Variants in ZNF487 observed in about 807,000 individuals in gnomAD.
ZNF487 encodes the protein KRAB domain only 1.
Under a neutral mutation model 3.0 loss-of-function variants are expected in ZNF487, and 4 were observed. The observed-to-expected ratio is 1.35, with a 90% CI of 0.66 to 3.08. The LOEUF (loss-of-function observed/expected upper bound fraction) is 3.08, where lower values mean the gene tolerates loss of function less well. Ranked by LOEUF, ZNF487 falls within the 30% of genes most tolerant of loss-of-function variation. The pLI is 0.01. For synonymous variants in ZNF487, 55 were observed against 34.6 expected (o/e 1.59, Z -2.06); for missense variants, 146 against 98.7 (o/e 1.48, Z -2.03).
chr10:43,520,691 T>A, the ZNF487 span, among the ~76,000 whole-genome samples: 1 of 152,248 alleles, frequency 6.6e-6, no homozygotes, highest in African/African-American at 2.4e-5. Context: ...TAAAGATTTA[T>A]GAAGATTTTT....
At chr10:43,443,003 C>G (rs1024918033) in intron 1 of ZNF487, among the ~76,000 whole-genome samples, 2 of 149,904 alleles carry the variant, frequency 1.3e-5, no homozygotes, top group African/African-American at 4.9e-5. Context: ...TATAGAAATA[C>G]AGTTGATTTT....
chr10:43,475,720 G>A lies in ZNF487; in HGVS notation c.-93-1G>A, dbSNP rs748978890. The stretch of plus-strand genomic sequence containing the variant: ...GAATGAAAACAAATGTACTGTTCTA[G>A]GGATCAGTGTCCTTCAGTGATGTGG... On this transcript the variant is annotated splice_acceptor_variant, in intron 1 of 3. Coordinates refer to ENST00000437590, the MANE Select transcript of ZNF487 (RefSeq NM_001355444.3). LOFTEE classifies it low-confidence loss of function (5UTR_SPLICE). The A allele has an allele frequency of 1.3e-6, 1 of 780,600 alleles. No individual in the cohort carries two copies. Among genetic ancestry groups the A allele is most frequent in the Non-Finnish European group, 2.4e-6 (1 of 417,976 alleles). The allele number at this position is 780,600 out of a possible 1,614,324, so 48.4% of individuals were successfully genotyped here.
At chr10:43,518,132 T>A in the ZNF487 span, among the ~76,000 whole-genome samples, 8 of 152,144 alleles carry the variant, frequency 5.3e-5, no homozygotes, top group Non-Finnish European at 1.0e-4. Flanking sequence ...ATACCCAGAA[T>A]AAAAATCAAA....
At chr10:43,457,891 G>T (rs1301564606) in intron 1 of ZNF487, among the ~76,000 whole-genome samples, 2 of 151,558 alleles carry the variant, frequency 1.3e-5, no homozygotes, top group South Asian at 2.1e-4. Context: ...GTGTGGTGGC[G>T]GGCGCCTGTA....
In ZNF487 at chr10:43,475,489, T is replaced by A. The variant is rs546692191; in HGVS notation, c.-93-232T>A. ...GTGATCATGCCACAGCACTCTAGCC[T>A]GAGTGATAGCGCAAGACCCCGTCTG... On this transcript the variant is annotated intron_variant, in intron 1 of 3. Transcript: ENST00000437590. 4.0e-4 allele frequency among the ~76,000 whole-genome samples: 60 copies of A among 151,460 alleles called. No homozygotes were observed. The South Asian group carries it at 0.012, about 29-fold the overall frequency.
intron 1 of ZNF487, among the ~76,000 whole-genome samples, chr10:43,446,779 T>G (rs918144922): frequency 1.3e-5 from 2 of 152,138 alleles, no homozygotes; most frequent in African/African-American, 4.8e-5. Flanking sequence ...GCTCCTCACT[T>G]CCTAGACCGG....
the ZNF487 span, chr10:43,523,624 T>G: frequency 6.6e-6 from 1 of 152,532 alleles, no homozygotes; most frequent in Non-Finnish European, 1.5e-5. Context: ...CATCAGGATA[T>G]TCAAACTCTG....
intron 1 of ZNF487, among the ~76,000 whole-genome samples, chr10:43,441,034 A>ATTTTTTTTTTTTTTTTTTTTTTTTTT (rs763451709): frequency 2.2e-5 from 1 of 44,544 alleles, no homozygotes; most frequent in African/African-American, 1.1e-4. Flanking sequence ...ACCTGGTTAA[A>ATTTTTTTTTTTTTTTTTTTTTTTTTT]TTTTTTTTTT....
At chr10:43,458,203 TC>T (rs1840291957) in intron 1 of ZNF487, 1 of 152,188 alleles carries the variant, frequency 6.6e-6, no homozygotes, top group Non-Finnish European at 1.5e-5. Context: ...CATGACAGCC[TC>T]AGGAGGTGCT....
chr10:43,493,454 G>T, the ZNF487 span, among the ~76,000 whole-genome samples: 1 of 151,804 alleles, frequency 6.6e-6, no homozygotes, highest in Non-Finnish European at 1.5e-5. Context: ...CAGCACTTTG[G>T]GAAGCCGAAG....
At chr10:43,460,102 G>A (rs996075591) in intron 1 of ZNF487, among the ~76,000 whole-genome samples, 2 of 151,664 alleles carry the variant, frequency 1.3e-5, no homozygotes, top group African/African-American at 2.4e-5. Flanking sequence ...GTGCCCGGCC[G>A]TTGAATTATT....
intron 1 of ZNF487, among the ~76,000 whole-genome samples, chr10:43,441,812 C>T (rs1839622455): frequency 1.3e-5 from 2 of 152,098 alleles, no homozygotes; most frequent in Admixed American, 1.3e-4. Flanking sequence ...GTCTTGAACT[C>T]CTGACCTCAA....
the ZNF487 span, among the ~76,000 whole-genome samples, chr10:43,517,499 CT>C: frequency 1.3e-5 from 2 of 152,198 alleles, no homozygotes; most frequent in Non-Finnish European, 2.9e-5. Context: ...CTTTAGCAGC[CT>C]TCTCTCATAA....
chr10:43,493,712 ATATATAT>A, the ZNF487 span, among the ~76,000 whole-genome samples: 35 of 16,494 alleles, frequency 2.1e-3, no homozygotes, highest in Non-Finnish European at 2.7e-3. Flanking sequence ...AAAAAAAAAT[ATATATAT>A]ATATATATAT....
chr10:43,470,904 C>T (rs925022525), intron 1 of ZNF487, among the ~76,000 whole-genome samples: 1 of 152,024 alleles, frequency 6.6e-6, no homozygotes, highest in Admixed American at 6.6e-5. Flanking sequence ...ACTGCAGCCT[C>T]GACATCCTGG....
chr10:43,455,378 G>A (rs543787727), intron 1 of ZNF487, among the ~76,000 whole-genome samples: 1 of 152,210 alleles, frequency 6.6e-6, no homozygotes, highest in African/African-American at 2.4e-5. Flanking sequence ...TGAGAAGCGA[G>A]CACCATCCCA....
intron 1 of ZNF487, among the ~76,000 whole-genome samples, chr10:43,437,982 C>T (rs982381929): frequency 1.6e-4 from 24 of 152,196 alleles, no homozygotes; most frequent in South Asian, 4.1e-4. Flanking sequence ...GAACCACCGC[C>T]TGCCACCGAA....
the ZNF487 span, among the ~76,000 whole-genome samples, chr10:43,495,135 T>C: frequency 6.6e-6 from 1 of 151,844 alleles, no homozygotes; most frequent in African/African-American, 2.4e-5. Context: ...TATAGCTCTA[T>C]CCTTTCACCA....
intron 1 of ZNF487, among the ~76,000 whole-genome samples, chr10:43,459,768 T>TTTATTA (rs71016770): frequency 0.06 from 8,241 of 138,202 alleles, 290 homozygotes; most frequent in East Asian, 0.13. Flanking sequence ...AGGCTGTGAG[T>TTTATTA]TTATTATTAT....
Sources: gnomAD v4.1 joint callset for allele counts (sites outside exome capture counted in the v4.1 genomes callset) on GRCh38, gnomAD v4.1.1 for gene constraint, MANE v1.5 for transcripts, NCBI Gene and HGNC (gene_info 2026-07-23, HGNC 2026-07-21) for gene names.